Variants in PNP observed in about 807,000 individuals in gnomAD.
PNP encodes the protein purine nucleoside phosphorylase.
PNP carries 18 observed loss-of-function variants against 26.8 expected under a neutral mutation model. The ratio of observed to expected loss-of-function variants is 0.67; its 90% CI spans 0.46 to 1.00. The LOEUF (loss-of-function observed/expected upper bound fraction) is 1.00. Ranked by LOEUF, PNP falls within the 50% of genes least tolerant of loss-of-function variation. The pLI is 0.00. For synonymous variants in PNP, 116 were observed against 124.8 expected, an observed-to-expected ratio of 0.93 and a Z score of 0.47; for missense variants, 320 against 362.9, an observed-to-expected ratio of 0.88 and a Z score of 0.96.
At position 20,476,655 on chromosome 14, in the gene PNP, T is replaced by C; in HGVS notation, c.*54T>C. On this transcript the variant is annotated 3_prime_UTR_variant, in exon 6 of 6. Coordinates refer to ENST00000361505, the MANE Select transcript of PNP (RefSeq NM_000270.4). ...ACACAAGACCCAAGTAGCTGCTACCTTCTTTGGCCCCTTGCTGGAGTCATG... is the reference window on the plus strand; with the variant it reads ...ACACAAGACCCAAGTAGCTGCTACCCTCTTTGGCCCCTTGCTGGAGTCATG... The C allele has an allele frequency of 7.0e-7, 1 of 1,423,308 alleles. No individual in the cohort carries two copies. The highest frequency in any genetic ancestry group is 9.9e-7 in the Non-Finnish European group (1 of 1,007,568). 88.2% of individuals were successfully genotyped at this position (1,423,308 alleles called of 1,614,324 possible). A position where few individuals can be genotyped will look rare whatever the true frequency, so the allele number is the denominator to read the frequency against.
chr14:20,477,021 C>A lies in PNP; in HGVS notation c.*420C>A, dbSNP rs1594428681. 2 of 277,564 alleles carry A rather than the reference C, an allele frequency of 7.2e-6. No homozygotes were observed. The highest frequency in any genetic ancestry group is 1.7e-4 in the East Asian group (2 of 11,446). 17.2% of individuals were successfully genotyped at this position (277,564 alleles called of 1,614,324 possible). ...TAAATCACCAGAGACCAAACAAGGACTAATCCAATACCTCTTGGATTTTAT... is the reference window on the plus strand; with the variant it reads ...TAAATCACCAGAGACCAAACAAGGAATAATCCAATACCTCTTGGATTTTAT... On this transcript the variant is annotated 3_prime_UTR_variant, in exon 6 of 6. Coordinates refer to ENST00000361505, the MANE Select transcript of PNP (RefSeq NM_000270.4).
rs895772862 is a variant in PNP, at chr14:20,475,338, A to G, written c.652+86A>G. On this transcript the variant is annotated intron_variant, in intron 5 of 5. Coordinates refer to ENST00000361505, the MANE Select transcript of PNP (RefSeq NM_000270.4). ...GAAGGAGTAGGAAATAACAGGCCTC[A>G]TTGGACTGAGAGGATCTGATTTCAG... is the stretch of plus-strand genomic sequence containing the variant. 7.0e-6 allele frequency: 8 copies of G among 1,148,254 alleles called. No homozygotes were observed. In the East Asian group the frequency reaches 1.9e-4, roughly 27 times the overall value. The allele number at this position is 1,148,254 out of a possible 1,614,324, so 71.1% of individuals were successfully genotyped here.
Position 20,477,047 on chromosome 14 carries a change from T to C in PNP, c.*446T>C. The stretch of plus-strand genomic sequence containing the variant: ...TAATCCAATACCTCTTGGATTTTAT[T>C]TAATGTCATAATGTTGTCAGAATAA... On this transcript the variant is annotated 3_prime_UTR_variant, in exon 6 of 6. Coordinates refer to ENST00000361505, the MANE Select transcript of PNP (RefSeq NM_000270.4). The C allele has an allele frequency of 4.4e-6, 1 of 228,032 alleles. No individual in the cohort carries two copies. Among genetic ancestry groups the C allele is most frequent in the Non-Finnish European group, 8.9e-6 (1 of 112,464 alleles). The allele number at this position is 228,032 out of a possible 1,614,324, so 14.1% of individuals were successfully genotyped here.
In PNP at chr14:20,474,805, G is replaced by A. The variant is rs1882063286; in HGVS notation, c.318G>A (p.Leu106=). The stretch of plus-strand genomic sequence containing the variant: ...TCCCAGTGAGGGTTTTCCACCTTCT[G>A]GGTGTGGACACCCTGGTAGTCACCA... The part of the protein sequence containing the change: ...VTFPVRVFHL[L]GVDTLVVTNA... The change falls in exon 4 of 6, where the codon CTG becomes CTA. Residue 106 remains leucine (L), a synonymous_variant. Transcript: ENST00000361505. 2 of 1,614,134 alleles carry A rather than the reference G, an allele frequency of 1.2e-6. No homozygotes were observed. The highest frequency in any genetic ancestry group is 1.1e-5 in the South Asian group (1 of 91,080).
intron 2 of PNP, 104 bp downstream of exon 2, chr14:20,472,581 A>C: frequency 9.2e-7 from 1 of 1,088,648 alleles, no homozygotes; most frequent in Non-Finnish European, 1.4e-6. Flanking sequence ...CTAGCATTTC[A>C]CTGAAGACAA....
chr14:20,469,691 G>GGCAGA (rs1881945002), intron 1 of PNP, 156 bp downstream of exon 1: 7 of 1,047,044 alleles, frequency 6.7e-6, no homozygotes, highest in Non-Finnish European at 1.0e-5. Context: ...GGAGCAAGGC[G>GGCAGA]GCAGAGTCAT....
Position 20,469,493 on chromosome 14 carries a change from A to G in PNP, c.-32A>G. ...ATCGGAGCGGATCGGAGCACACCGG[A>G]GCAGGCTCATCGAGAAGGCGTCTGC... On this transcript the variant is annotated 5_prime_UTR_variant, in exon 1 of 6. Transcript: ENST00000361505. 6.4e-7 allele frequency: 1 copy of G among 1,550,518 alleles called. No homozygotes were observed. The highest frequency in any genetic ancestry group is 8.7e-7 in the Non-Finnish European group (1 of 1,147,260).
In PNP at chr14:20,469,643, A is replaced by G. The variant is rs777105514; in HGVS notation, c.11+108A>G. The G allele has an allele frequency of 2.6e-5, 37 of 1,413,444 alleles. No homozygotes were observed. The African/African-American group carries it at 4.8e-4, about 18-fold the overall frequency. 87.6% of individuals were successfully genotyped at this position (1,413,444 alleles called of 1,614,324 possible). ...GAGCTGGCGGAGGGAGCGAGCGCCC[A>G]GGGGATGCAGAGAGGCCTGGCACTG... On this transcript the variant is annotated intron_variant, in intron 1 of 5. Coordinates refer to ENST00000361505, the MANE Select transcript of PNP (RefSeq NM_000270.4).
Position 20,476,418 on chromosome 14 carries a change from G to A in PNP, c.687G>A (p.Arg229=). ...MSTVPEVIVA[R]HCGLRVFGFS... ...CAGTACCAGAAGTTATCGTTGCACG[G>A]CACTGTGGACTTCGAGTCTTTGGCT... is the stretch of plus-strand genomic sequence containing the variant. Residue 229 remains arginine, a synonymous_variant, in exon 6 of 6, where the codon CGG becomes CGA. Transcript: ENST00000361505. The A allele has an allele frequency of 6.2e-7, 1 of 1,614,130 alleles. No individual in the cohort carries two copies. The highest frequency in any genetic ancestry group is 8.5e-7 in the Non-Finnish European group (1 of 1,179,992).
In PNP at chr14:20,476,783, G is replaced by A. The variant is rs949202515; in HGVS notation, c.*182G>A. On this transcript the variant is annotated 3_prime_UTR_variant, in exon 6 of 6. Transcript: ENST00000361505. Reference sequence around the variant, plus strand: ...TCTGGTGCCAGATCCTCTTCTCAAAGCTGGGATTACAGGTGTGAGCATAGT... The same window carrying A: ...TCTGGTGCCAGATCCTCTTCTCAAAACTGGGATTACAGGTGTGAGCATAGT... 16 of 662,182 alleles carry A rather than the reference G, an allele frequency of 2.4e-5. No homozygotes were observed. Among genetic ancestry groups the A allele is most frequent in the African/African-American group, 2.1e-4 (12 of 56,012 alleles). The allele number at this position is 662,182 out of a possible 1,614,324, so 41.0% of individuals were successfully genotyped here. A position where few individuals can be genotyped will look rare whatever the true frequency, so the allele number is the denominator to read the frequency against.
chr14:20,476,015 A>G (rs891547626), intron 5 of PNP, among the ~76,000 whole-genome samples: 1 of 151,818 alleles, frequency 6.6e-6, no homozygotes, highest in African/African-American at 2.4e-5. Context: ...CTCTGTTGCC[A>G]AGGTTGGAGT....
At position 20,474,520 on chromosome 14, in the gene PNP, C is replaced by G. The variant is rs749436187; in HGVS notation, c.230C>G (p.Ala77Gly). The G allele has an allele frequency of 8.1e-6, 13 of 1,613,990 alleles. No individual in the cohort carries two copies. In the African/African-American group the frequency reaches 1.7e-4, roughly 22 times the overall value. The change falls in exon 3 of 6, where the codon GCC (alanine) becomes GGC (glycine). Residue 77 changes from alanine (A) to glycine (G), a missense_variant. Transcript: ENST00000361505. ...RLVFGFLNGR[A>G]CVMMQGRFHM... Reference sequence around the variant, plus strand: ...GTGTTTGGGTTCCTGAATGGCAGGGCCTGTGTGATGATGCAGGGCAGGTTC... The same window carrying G: ...GTGTTTGGGTTCCTGAATGGCAGGGGCTGTGTGATGATGCAGGGCAGGTTC...
chr14:20,472,816 G>T, intron 2 of PNP: 1 of 267,810 alleles, frequency 3.7e-6, no homozygotes, highest in African/African-American at 2.2e-5. Context: ...TAATTTTTAA[G>T]ATTTCTATCT....
intron 1 of PNP, 90 bp downstream of exon 1, chr14:20,469,625 C>T: frequency 1.3e-6 from 2 of 1,509,194 alleles, no homozygotes; most frequent in South Asian, 1.2e-5. Context: ...AGGGAGCTGG[C>T]GGAGGGAGCG....
At position 20,474,765 on chromosome 14, in the gene PNP, C is replaced by T. The variant is rs1440409009; in HGVS notation, c.286-8C>T. On this transcript the variant is annotated splice_region_variant and splice_polypyrimidine_tract_variant and intron_variant, in intron 3 of 5. Transcript: ENST00000361505. Reference sequence around the variant, plus strand: ...TTGTAAATTTTTTTCGGATTGTTTGCTTCGAAGGTGACATTCCCAGTGAGG... The same window carrying T: ...TTGTAAATTTTTTTCGGATTGTTTGTTTCGAAGGTGACATTCCCAGTGAGG... 4.3e-6 allele frequency: 7 copies of T among 1,613,550 alleles called. No homozygotes were observed. In the Admixed American group the frequency reaches 6.7e-5, roughly 15 times the overall value.
chr14:20,475,363 G>A, intron 5 of PNP, 111 bp downstream of exon 5: 1 of 923,944 alleles, frequency 1.1e-6, no homozygotes, highest in Non-Finnish European at 1.6e-6. Context: ...TCTGATTTCA[G>A]GGAAGGGTGA....
rs367991537 is a variant in PNP, at chr14:20,472,455, C to A, written c.159C>A (p.Ile53=). Reference sequence around the variant, plus strand: ...CCCAGATCTTTGACTACGGTGAAATCCCCAACTTTCCCCGAAGTACAGGTA... The same window carrying A: ...CCCAGATCTTTGACTACGGTGAAATACCCAACTTTCCCCGAAGTACAGGTA... ...TQAQIFDYGE[I]PNFPRSTVPG... The change falls in exon 2 of 6, where the codon ATC becomes ATA. Residue 53 remains isoleucine, a synonymous_variant. Coordinates refer to ENST00000361505, the MANE Select transcript of PNP (RefSeq NM_000270.4). 3 of 1,613,960 alleles carry A rather than the reference C, an allele frequency of 1.9e-6. No homozygotes were observed. The South Asian group carries it at 3.3e-5, about 18-fold the overall frequency.
Position 20,469,434 on chromosome 14 carries a change from G to C in PNP, c.-91G>C. 2 of 1,513,906 alleles carry C rather than the reference G, an allele frequency of 1.3e-6. No individual in the cohort carries two copies. Among genetic ancestry groups the C allele is most frequent in the Non-Finnish European group, 1.8e-6 (2 of 1,114,262 alleles). 93.8% of individuals were successfully genotyped at this position (1,513,906 alleles called of 1,614,324 possible). A position where few individuals can be genotyped will look rare whatever the true frequency, so the allele number is the denominator to read the frequency against. On this transcript the variant is annotated 5_prime_UTR_variant, in exon 1 of 6. Coordinates refer to ENST00000361505, the MANE Select transcript of PNP (RefSeq NM_000270.4). Reference sequence around the variant, plus strand: ...TGTGCGAACCAGACCCGGCAGCCTTGCTCAGTTCAGCATAGCGGAGCGGAT... The same window carrying C: ...TGTGCGAACCAGACCCGGCAGCCTTCCTCAGTTCAGCATAGCGGAGCGGAT...
At chr14:20,472,555 G>A (rs1566524607) in intron 2 of PNP, 78 bp downstream of exon 2, 1 of 1,319,532 alleles carries the variant, frequency 7.6e-7, no homozygotes, top group South Asian at 1.2e-5. Context: ...GGAGGCCAAT[G>A]TTTCTACTCC....
Sources: gnomAD v4.1 joint callset for allele counts (sites outside exome capture counted in the v4.1 genomes callset) on GRCh38, gnomAD v4.1.1 for gene constraint, MANE v1.5 for transcripts, NCBI Gene and HGNC (gene_info 2026-07-23, HGNC 2026-07-21) for gene names.